HMGB1: variants seen among roughly 807,000 people sequenced by gnomAD.
HMGB1 encodes the protein high mobility group box 1.
For missense variants in HMGB1, 79 were observed against 253.5 expected (o/e 0.31, Z 4.67); for synonymous variants, 81 against 84.0 (o/e 0.96, Z 0.19).
upstream of HMGB1, among the ~76,000 whole-genome samples, chr13:30,468,991 T>G (rs1886862053): frequency 1.3e-5 from 2 of 152,066 alleles, no homozygotes; most frequent in Non-Finnish European, 2.9e-5. Flanking sequence ...CCTCCCGGGT[T>G]CAAGCAATTC....
chr13:30,471,328 G>GGTTTTTTT (rs1202478364), intron 1 of HMGB1, among the ~76,000 whole-genome samples: 3 of 151,650 alleles, frequency 2.0e-5, no homozygotes, highest in Non-Finnish European at 4.4e-5. Context: ...ACCAATGGTT[G>GGTTTTTTT]GTTTTTTTGT....
At chr13:30,553,958 T>C (rs1869554709) in intron 1 of HMGB1, 1 of 1,479,768 alleles carries the variant, frequency 6.8e-7, no homozygotes, top group Non-Finnish European at 9.4e-7. Context: ...TGTGCTGCCA[T>C]TTCTGGCTTA....
In HMGB1 at chr13:30,555,033, GTT is replaced by G. The variant is rs1007919529; in HGVS notation, c.-15+61636_-15+61637del. Among the ~76,000 whole-genome samples the G allele has an allele frequency of 8.6e-3, 621 of 72,364 alleles. 1 individual carries two copies. Among genetic ancestry groups the G allele is most frequent in the African/African-American group, 0.033 (570 of 17,480 alleles). The allele number at this position is 72,364 out of a possible 152,430, so 47.5% of individuals were successfully genotyped here. ...AACCTTACATTGGATGTGTCGTTGT[GTT>G]TTTTTTTTTTTTTTTTTTTTTTTGA... On this transcript the variant is annotated intron_variant, in intron 1 of 4. Transcript: ENST00000405805.
chr13:30,526,354 G>A (rs1277740788), intron 1 of HMGB1, among the ~76,000 whole-genome samples: 2 of 152,324 alleles, frequency 1.3e-5, no homozygotes, highest in East Asian at 3.9e-4. Context: ...ACTACGCCTG[G>A]CCCAAACACA....
Position 30,457,544 on chromosome 13 carries a change from G to GTA in HMGB1, c.*3811_*3812dup, listed in dbSNP as rs762961295. 1 of 152,164 alleles carries GTA rather than the reference G, an allele frequency of 6.6e-6. No homozygotes were observed. Among genetic ancestry groups the GTA allele is most frequent in the Non-Finnish European group, 1.5e-5 (1 of 68,040 alleles). The allele number at this position is 152,164 out of a possible 1,614,324, so 9.4% of individuals were successfully genotyped here. ...AACCTGGGCAACATAGAGATTCTATGTAATCTCTCATGTCAAAATAAGTAA... is the reference window on the plus strand; with the variant it reads ...AACCTGGGCAACATAGAGATTCTATGTATAATCTCTCATGTCAAAATAAGTAA... On this transcript the variant is annotated 3_prime_UTR_variant, in exon 5 of 5. Transcript: ENST00000341423.
At chr13:30,588,696 C>T (rs983698191) in intron 1 of HMGB1, among the ~76,000 whole-genome samples, 5 of 152,126 alleles carry the variant, frequency 3.3e-5, no homozygotes, top group Non-Finnish European at 5.9e-5. Flanking sequence ...GTGGGTAGAT[C>T]ACTTGAGGTC....
intron 1 of HMGB1, among the ~76,000 whole-genome samples, chr13:30,525,144 A>G (rs1038696372): frequency 1.3e-5 from 2 of 152,198 alleles, no homozygotes; most frequent in Admixed American, 6.5e-5. Flanking sequence ...CAAAAATAAG[A>G]ATAGAAACCT....
chr13:30,464,241 C>T, intron 1 of HMGB1: 2 of 985,490 alleles, frequency 2.0e-6, no homozygotes, highest in Non-Finnish European at 2.4e-6. Flanking sequence ...CTCCGGTGCT[C>T]GGAACCCGGT....
rs1565994365 is a variant in HMGB1, at chr13:30,463,195, C to G, written c.296+12G>C. 6.3e-7 allele frequency: 1 copy of G among 1,598,506 alleles called. No individual in the cohort carries two copies. Among genetic ancestry groups the G allele is most frequent in the East Asian group, 2.2e-5 (1 of 44,810 alleles). ...AACGTGTCTGGGAAGTAAAAACAGG[C>G]AAGATACTCACGGAGGCCTCTTGGG... is the stretch of plus-strand genomic sequence containing the variant. On this transcript the variant is annotated intron_variant, in intron 3 of 4. Transcript: ENST00000341423.
At chr13:30,583,103 G>C (rs1265591770) in intron 1 of HMGB1, among the ~76,000 whole-genome samples, 1 of 151,760 alleles carries the variant, frequency 6.6e-6, no homozygotes, top group Non-Finnish European at 1.5e-5. Flanking sequence ...CTGGCTTCAA[G>C]GGATCCTCCC....
chr13:30,463,154 T>G (rs1886466973), intron 3 of HMGB1, 53 bp downstream of exon 3: 5 of 1,556,956 alleles, frequency 3.2e-6, no homozygotes, highest in Non-Finnish European at 2.6e-6. Flanking sequence ...TAAATTTCTC[T>G]CAGATTCTAC....
At chr13:30,542,700 CAATG>C (rs1477343764) in intron 1 of HMGB1, 1 of 207,382 alleles carries the variant, frequency 4.8e-6, no homozygotes, top group Admixed American at 5.1e-5. Context: ...TTGGATTTCC[CAATG>C]AATGAAAATT....
intron 1 of HMGB1, among the ~76,000 whole-genome samples, chr13:30,490,434 A>G (rs1887461027): frequency 6.6e-6 from 1 of 152,108 alleles, no homozygotes; most frequent in Non-Finnish European, 1.5e-5. Flanking sequence ...AGCCTGGCCA[A>G]CACGGCAAAA....
chr13:30,565,607 T>C (rs1870153258), intron 1 of HMGB1, among the ~76,000 whole-genome samples: 1 of 152,158 alleles, frequency 6.6e-6, no homozygotes, highest in Admixed American at 6.6e-5. Flanking sequence ...CACCTGGAGA[T>C]CTTGTTAAAA....
chr13:30,469,081 C>T (rs558291645), upstream of HMGB1, among the ~76,000 whole-genome samples: 7 of 151,756 alleles, frequency 4.6e-5, no homozygotes, highest in African/African-American at 9.7e-5. Context: ...TTGATAGAGA[C>T]GGTTTCACCA....
At chr13:30,592,915 C>A (rs1018607377) in intron 1 of HMGB1, among the ~76,000 whole-genome samples, 3 of 148,568 alleles carry the variant, frequency 2.0e-5, no homozygotes, top group African/African-American at 7.4e-5. Context: ...TCATATAGTG[C>A]AAAACAACAA....
intron 1 of HMGB1, among the ~76,000 whole-genome samples, chr13:30,606,641 T>C (rs1950461479): frequency 6.6e-6 from 1 of 152,238 alleles, no homozygotes; most frequent in Non-Finnish European, 1.5e-5. Flanking sequence ...GATAATAATA[T>C]GCTCTACATG....
Position 30,533,038 on chromosome 13 carries a change from T to C in HMGB1, c.-14-69344A>G, listed in dbSNP as rs546869674. Among the ~76,000 whole-genome samples the C allele has an allele frequency of 3.3e-4, 51 of 152,306 alleles. 1 individual carries two copies. The highest frequency in any genetic ancestry group is 1.2e-3 in the African/African-American group (50 of 41,554). On this transcript the variant is annotated intron_variant, in intron 1 of 4. Coordinates refer to the HMGB1 transcript ENST00000405805. ...ATCACAATAGCTTCATAACTTCACC[T>C]GTAAAGTAAGGGGCTGAACTAAGCT...
At chr13:30,522,600 T>C (rs779656075) in intron 1 of HMGB1, among the ~76,000 whole-genome samples, 8 of 152,222 alleles carry the variant, frequency 5.3e-5, no homozygotes, top group Admixed American at 2.6e-4. Context: ...TGATATGGCA[T>C]GGCTACTGGC....
Sources: allele counts gnomAD v4.1 joint callset (sites outside exome capture counted in the v4.1 genomes callset), GRCh38; gene constraint gnomAD v4.1.1; transcripts MANE v1.5; gene names NCBI Gene and HGNC (gene_info 2026-07-23, HGNC 2026-07-21).